Variants in SLC27A4 observed in about 807,000 individuals in gnomAD.
SLC27A4 encodes the protein long-chain fatty acid transport protein 4.
A neutral mutation model predicts 64.4 loss-of-function variants in SLC27A4; 33 were observed. That is an observed-to-expected ratio of 0.51 (90% confidence interval 0.39 to 0.68). The LOEUF (loss-of-function observed/expected upper bound fraction) is 0.68, where lower values mean the gene tolerates loss of function less well. Ranked by LOEUF, SLC27A4 falls within the 30% of genes least tolerant of loss-of-function variation. The pLI is 0.00. For synonymous variants in SLC27A4, 377 were observed against 370.0 expected (o/e 1.02, Z -0.22); for missense variants, 824 against 883.5 (o/e 0.93, Z 0.85).
chr9:128,356,203 C>T (rs367638207), intron 12 of SLC27A4, among the ~76,000 whole-genome samples: 3 of 152,194 alleles, frequency 2.0e-5, no homozygotes, highest in Non-Finnish European at 2.9e-5. Flanking sequence ...AAAGGTGGGA[C>T]GCTTGGGATG....
At chr9:128,352,785 C>T (rs751620314) in intron 7 of SLC27A4, 38 bp downstream of exon 7, 7 of 1,472,022 alleles carry the variant, frequency 4.8e-6, no homozygotes, top group Admixed American at 1.7e-5. Flanking sequence ...TCCCTTTCCC[C>T]TAGTTACCCT....
intron 2 of SLC27A4, 136 bp downstream of exon 2, chr9:128,343,429 T>A (rs186998968): frequency 7.2e-6 from 7 of 979,020 alleles, no homozygotes; most frequent in Admixed American, 2.0e-5. Context: ...CAGCAGCCTC[T>A]GCTCCACACC....
chr9:128,354,240 G>A (rs1446804008), intron 9 of SLC27A4, among the ~76,000 whole-genome samples: 5 of 152,084 alleles, frequency 3.3e-5, no homozygotes, highest in Admixed American at 6.6e-5. Context: ...CACCATGCCC[G>A]GCCCTCATTC....
Sources: allele counts gnomAD v4.1 joint callset (sites outside exome capture counted in the v4.1 genomes callset), GRCh38; gene constraint gnomAD v4.1.1; transcripts MANE v1.5; gene names NCBI Gene and HGNC (gene_info 2026-07-23, HGNC 2026-07-21).